Variants in OR1J2 observed in about 807,000 individuals in gnomAD.
OR1J2 encodes olfactory receptor family 1 subfamily J member 2.
For missense variants in OR1J2, 304 were observed against 246.1 expected (o/e 1.24, Z -1.57); for synonymous variants, 142 against 99.7 (o/e 1.42, Z -2.52).
At chr9:122,455,260 T>G in the OR1J2 span, among the ~76,000 whole-genome samples, 2 of 152,204 alleles carry the variant, frequency 1.3e-5, no homozygotes, top group Non-Finnish European at 2.9e-5. Flanking sequence ...TAGGTCATCT[T>G]GTATCTTTGT....
At chr9:122,479,900 TG>T in the OR1J2 span, among the ~76,000 whole-genome samples, 2 of 152,198 alleles carry the variant, frequency 1.3e-5, no homozygotes, top group Non-Finnish European at 2.9e-5. Context: ...AAACTTTTAC[TG>T]GGCTTAGTTC....
chr9:122,511,680 G>T lies in OR1J2; in HGVS notation c.879G>T (p.Arg293Ser). Residue 293 changes from arginine to serine, a missense_variant, in exon 1 of 1, where the codon AGG (arginine) becomes AGT (serine). Physicochemically the swap from Arg to Ser is moderately radical, Grantham distance 110. Coordinates refer to ENST00000335302, the MANE Select transcript of OR1J2 (RefSeq NM_054107.1). ...PMLNPFIYSL[R>S]NRDMKEALGK... Reference sequence around the variant, plus strand: ...TGAACCCCTTTATCTACAGCCTTAGGAACAGGGACATGAAAGAGGCCCTTG... The same window carrying T: ...TGAACCCCTTTATCTACAGCCTTAGTAACAGGGACATGAAAGAGGCCCTTG... 1 of 781,020 alleles carries T rather than the reference G, an allele frequency of 1.3e-6. No homozygotes were observed. Among genetic ancestry groups the T allele is most frequent in the East Asian group, 2.4e-5 (1 of 41,242 alleles). 48.4% of individuals were successfully genotyped at this position (781,020 alleles called of 1,614,324 possible).
chr9:122,554,159 A>G, the OR1J2 span: 9 of 1,607,670 alleles, frequency 5.6e-6, no homozygotes, highest in South Asian at 3.3e-5. Flanking sequence ...CATTCTTTTT[A>G]TGATTAGACA....
Position 122,511,257 on chromosome 9 carries a change from T to C in OR1J2, c.456T>C (p.Ser152=), listed in dbSNP as rs767860981. 6 of 755,972 alleles carry C rather than the reference T, an allele frequency of 7.9e-6. No individual in the cohort carries two copies. The African/African-American group carries it at 1.0e-4, about 13-fold the overall frequency. The allele number at this position is 755,972 out of a possible 1,614,324, so 46.8% of individuals were successfully genotyped here. A position where few individuals can be genotyped will look rare whatever the true frequency, so the allele number is the denominator to read the frequency against. The change falls in exon 1 of 1, where the codon TCT becomes TCC. Residue 152 remains serine, a synonymous_variant. Transcript: ENST00000335302. The part of the protein sequence containing the change: ...VFLVAVSWIL[S]CASSLSHTLL... The stretch of plus-strand genomic sequence containing the variant: ...TAGTGGCTGTATCTTGGATTCTGTC[T>C]TGTGCCAGCTCCCTCTCTCACACCC...
At chr9:122,492,094 A>G in the OR1J2 span, among the ~76,000 whole-genome samples, 2 of 152,080 alleles carry the variant, frequency 1.3e-5, no homozygotes, top group African/African-American at 4.8e-5. Context: ...GGTATGAATT[A>G]TCCCATCACC....
the OR1J2 span, among the ~76,000 whole-genome samples, chr9:122,496,548 G>A: frequency 2.0e-5 from 3 of 152,174 alleles, no homozygotes; most frequent in East Asian, 5.8e-4. Flanking sequence ...TTTTGCTAAG[G>A]TTGAGGACAT....
chr9:122,495,790 C>G, the OR1J2 span, among the ~76,000 whole-genome samples: 2 of 151,882 alleles, frequency 1.3e-5, no homozygotes, highest in Non-Finnish European at 2.9e-5. Context: ...GCATTTTTTT[C>G]TGGTTCCTTC....
At chr9:122,468,089 C>T in the OR1J2 span, among the ~76,000 whole-genome samples, 2 of 152,178 alleles carry the variant, frequency 1.3e-5, no homozygotes, top group African/African-American at 2.4e-5. Context: ...CTCTTGTTTA[C>T]TACAATATGT....
At chr9:122,571,122 A>G in the OR1J2 span, among the ~76,000 whole-genome samples, 1 of 152,186 alleles carries the variant, frequency 6.6e-6, no homozygotes, top group South Asian at 2.1e-4. Context: ...TACACAACTG[A>G]CAAACTTTCT....
the OR1J2 span, among the ~76,000 whole-genome samples, chr9:122,575,252 G>A: frequency 0.31 from 46,405 of 151,908 alleles, 7,549 homozygotes; most frequent in African/African-American, 0.34. Context: ...GGAAGAGATT[G>A]TAGATAATTA....
the OR1J2 span, among the ~76,000 whole-genome samples, chr9:122,486,655 C>G: frequency 1.3e-5 from 2 of 152,154 alleles, no homozygotes; most frequent in African/African-American, 4.8e-5. Context: ...TATATCATAT[C>G]AGCCTAACAG....
the OR1J2 span, chr9:122,567,716 T>C: frequency 6.2e-7 from 1 of 1,613,862 alleles, no homozygotes; most frequent in African/African-American, 1.3e-5. Context: ...AGAAGATGCT[T>C]CCATAAAAGA....
chr9:122,561,827 G>A, the OR1J2 span, among the ~76,000 whole-genome samples: 17 of 152,210 alleles, frequency 1.1e-4, no homozygotes, highest in African/African-American at 4.1e-4. Flanking sequence ...GGCACTGGGA[G>A]CAGGACCCAT....
the OR1J2 span, among the ~76,000 whole-genome samples, chr9:122,493,617 G>A: frequency 2.0e-5 from 3 of 151,838 alleles, no homozygotes; most frequent in Non-Finnish European, 4.4e-5. Context: ...TCTCACTAAT[G>A]GTCTATTAAT....
chr9:122,517,736 C>T, the OR1J2 span, among the ~76,000 whole-genome samples: 2 of 150,328 alleles, frequency 1.3e-5, no homozygotes, highest in Admixed American at 1.3e-4. Context: ...TTCTTATGTT[C>T]CAGGGTACAT....
chr9:122,477,811 A>G, the OR1J2 span: 2 of 1,614,016 alleles, frequency 1.2e-6, no homozygotes, highest in Admixed American at 1.7e-5. Context: ...GTTCCCCAGC[A>G]CCGTGGTCAG....
the OR1J2 span, among the ~76,000 whole-genome samples, chr9:122,574,287 G>A: frequency 2.0e-5 from 3 of 152,240 alleles, no homozygotes; most frequent in East Asian, 1.9e-4. Flanking sequence ...TTTATACACC[G>A]AATTCAGGAG....
At chr9:122,556,108 A>G in the OR1J2 span, among the ~76,000 whole-genome samples, 2 of 152,122 alleles carry the variant, frequency 1.3e-5, no homozygotes, top group Admixed American at 6.5e-5. Context: ...CCAGAATGTT[A>G]TGTAGTTGGA....
chr9:122,526,587 A>G, the OR1J2 span: 1 of 1,614,114 alleles, frequency 6.2e-7, no homozygotes, highest in South Asian at 1.1e-5. Flanking sequence ...GCAGGTGGAA[A>G]AGGCCTTGCC....
Sources: allele counts gnomAD v4.1 joint callset (sites outside exome capture counted in the v4.1 genomes callset), GRCh38; gene constraint gnomAD v4.1.1; transcripts MANE v1.5; gene names NCBI Gene and HGNC (gene_info 2026-07-23, HGNC 2026-07-21).